Variants in SPTA1 observed in about 807,000 individuals in gnomAD.
The protein encoded by SPTA1 is spectrin alpha chain, erythrocytic 1.
SPTA1 carries 177 observed loss-of-function variants against 324.7 expected under a neutral mutation model. That is an observed-to-expected ratio of 0.55 (90% CI 0.48 to 0.62). The LOEUF (loss-of-function observed/expected upper bound fraction) is 0.62, where lower values mean the gene tolerates loss of function less well. Among genes scored for constraint, SPTA1 ranks in the 20% least tolerant of loss-of-function variants. SPTA1 has a pLI of 0.00. For missense variants in SPTA1, 3,162 were observed against 2,883.6 expected (o/e 1.10, Z -2.21); for synonymous variants, 1,195 against 1,041.3 (o/e 1.15, Z -2.84).
chr1:158,661,246 C>A, intron 18 of SPTA1, 41 bp downstream of exon 18: 3 of 1,613,556 alleles, frequency 1.9e-6, no homozygotes, highest in Non-Finnish European at 2.5e-6. Flanking sequence ...AGAGGTCTGG[C>A]CTGGTGATGT....
intron 39 of SPTA1, among the ~76,000 whole-genome samples, 174 bp downstream of exon 39, chr1:158,634,369 C>G (rs1236848459): frequency 6.6e-6 from 1 of 152,194 alleles, no homozygotes; most frequent in Non-Finnish European, 1.5e-5. Context: ...TTGGGCAAGT[C>G]ACTTACATGC....
In SPTA1 at chr1:158,685,153, G is replaced by A. The variant is rs1190183761; in HGVS notation, c.219C>T (p.Val73=). 6.2e-7 allele frequency: 1 copy of A among 1,613,710 alleles called. No individual in the cohort carries two copies. The highest frequency in any genetic ancestry group is 1.1e-5 in the South Asian group (1 of 91,068). ...CATAGCTCTTATCGGTTAAGATATT[G>A]ACTTTCTCCATGATCCACTTCCCCA... is the stretch of plus-strand genomic sequence containing the variant. ...DDLGKWIMEK[V]NILTDKSYED... is the part of the protein sequence containing the mutation. The change falls in exon 2 of 52, where the codon GTC becomes GTT. Residue 73 remains valine (V), a synonymous_variant. Coordinates refer to ENST00000643759, the MANE Select transcript of SPTA1 (RefSeq NM_003126.4).
At chr1:158,681,814 T>G in intron 3 of SPTA1, 147 bp from the exon 4 acceptor site, 1 of 1,050,402 alleles carries the variant, frequency 9.5e-7, no homozygotes, top group East Asian at 2.6e-5. Flanking sequence ...AAAGAGGAAA[T>G]AGGATAGATA....
chr1:158,620,943 G>A (rs1408787051), intron 43 of SPTA1, among the ~76,000 whole-genome samples: 1 of 149,642 alleles, frequency 6.7e-6, no homozygotes, highest in Non-Finnish European at 1.5e-5. Flanking sequence ...TATCCTACAA[G>A]CTTCTGTAGA....
chr1:158,681,431 C>T (rs1654799975), intron 4 of SPTA1, 96 bp downstream of exon 4: 3 of 1,592,800 alleles, frequency 1.9e-6, no homozygotes, highest in African/African-American at 2.7e-5. Flanking sequence ...AACAGACATC[C>T]TGACTTCCTT....
intron 5 of SPTA1, 76 bp from the exon 6 acceptor site, chr1:158,678,610 T>C: frequency 6.6e-7 from 1 of 1,516,628 alleles, no homozygotes; most frequent in South Asian, 1.2e-5. Flanking sequence ...ACTTTTCATT[T>C]TACATTAGTT....
At chr1:158,613,651 T>G (rs538123826) in intron 50 of SPTA1, 70 bp downstream of exon 50, 6 of 1,603,002 alleles carry the variant, frequency 3.7e-6, no homozygotes, top group Non-Finnish European at 4.3e-6. Flanking sequence ...TTATGGATCA[T>G]TTTACTCTCT....
intron 10 of SPTA1, among the ~76,000 whole-genome samples, chr1:158,673,084 G>A (rs912181958): frequency 1.3e-5 from 2 of 152,154 alleles, no homozygotes; most frequent in African/African-American, 2.4e-5. Context: ...GTTGGCCACT[G>A]CACTCCAGCC....
At position 158,636,755 on chromosome 1, in the gene SPTA1, C is replaced by G. The variant is rs201286670; in HGVS notation, c.5196G>C (p.Lys1732Asn). 9 of 1,613,962 alleles carry G rather than the reference C, an allele frequency of 5.6e-6. No homozygotes were observed. The highest frequency in any genetic ancestry group is 4.0e-5 in the African/African-American group (3 of 74,916). Residue 1732 changes from lysine to asparagine, a missense_variant, in exon 37 of 52, where the codon AAG (lysine) becomes AAC (asparagine). Lys to Asn is a moderately conservative substitution (Grantham distance 94). Transcript: ENST00000643759. ...AGTCCTGGGAGCTCACTCGTATCAA[C>G]TTCTCCCTAAAATCAAGGAAGAAAA... ...LDDEESWIEE[K>N]LIRVSSQDYG...
intron 49 of SPTA1, 133 bp downstream of exon 49, chr1:158,614,120 G>T: frequency 1.2e-6 from 1 of 816,234 alleles, no homozygotes; most frequent in East Asian, 2.6e-5. Flanking sequence ...AGCCATGACT[G>T]GAGCTAATGA....
chr1:158,680,966 A>C (rs1557994326), intron 4 of SPTA1, among the ~76,000 whole-genome samples: 1 of 152,182 alleles, frequency 6.6e-6, no homozygotes, highest in Non-Finnish European at 1.5e-5. Context: ...CATTACTGGC[A>C]AGAGACCCTG....
At chr1:158,672,546 A>G (rs995887943) in intron 10 of SPTA1, among the ~76,000 whole-genome samples, 1 of 152,202 alleles carries the variant, frequency 6.6e-6, no homozygotes, top group African/African-American at 2.4e-5. Context: ...ACTGCAAATA[A>G]TTTTTAGATA....
chr1:158,676,192 T>C lies in SPTA1; in HGVS notation c.1061A>G (p.His354Arg), dbSNP rs368912200. 1.2e-6 allele frequency: 2 copies of C among 1,613,766 alleles called. No individual in the cohort carries two copies. The highest frequency in any genetic ancestry group is 1.7e-6 in the Non-Finnish European group (2 of 1,179,776). Reference sequence around the variant, plus strand: ...TCTGCTGGTGGCCAGGGCACGAATATGCTCCCAGCTGGAGACCAGATCTTC... The same window carrying C: ...TCTGCTGGTGGCCAGGGCACGAATACGCTCCCAGCTGGAGACCAGATCTTC... ...MKEDLVSSWE[H>R]IRALATSRYE... Residue 354 changes from histidine (H) to arginine (R), a missense_variant, in exon 8 of 52, where the codon CAT becomes CGT. His to Arg is a conservative substitution (Grantham distance 29). Transcript: ENST00000643759.
rs754809924 is a variant in SPTA1 at position 158,678,542 on chromosome 1, A to C, written c.679-8T>G. On this transcript the variant is annotated splice_polypyrimidine_tract_variant and splice_region_variant and intron_variant, in intron 5 of 51. Transcript: ENST00000643759. ...TAGGTCAGGATGGTTTTCCTGTTGAAGGAAAACAACACTGGAGTTATACAG... is the reference window on the plus strand; with the variant it reads ...TAGGTCAGGATGGTTTTCCTGTTGACGGAAAACAACACTGGAGTTATACAG... 3.7e-6 allele frequency: 6 copies of C among 1,613,202 alleles called. No homozygotes were observed. Among genetic ancestry groups the C allele is most frequent in the Non-Finnish European group, 5.1e-6 (6 of 1,179,532 alleles).
chr1:158,685,718 G>T (rs564580086), intron 1 of SPTA1, among the ~76,000 whole-genome samples: 1 of 152,256 alleles, frequency 6.6e-6, no homozygotes, highest in East Asian at 1.9e-4. Flanking sequence ...CTAAAAAGGT[G>T]TTGAGAAGTG....
chr1:158,639,768 CT>C, intron 34 of SPTA1, 82 bp from the exon 35 acceptor site: 2 of 1,609,318 alleles, frequency 1.2e-6, no homozygotes. Context: ...TGTCCCCAAA[CT>C]TTTCCCAGGA....
At chr1:158,653,129 G>A in intron 22 of SPTA1, 145 bp downstream of exon 22, 2 of 1,327,736 alleles carry the variant, frequency 1.5e-6, no homozygotes, top group Admixed American at 1.9e-5. Context: ...ACATTTAAAA[G>A]ATTCTAGGTT....
At chr1:158,654,414 G>A (rs1255960605) in intron 21 of SPTA1, among the ~76,000 whole-genome samples, 197 bp downstream of exon 21, 1 of 152,030 alleles carries the variant, frequency 6.6e-6, no homozygotes, top group Admixed American at 6.6e-5. Context: ...GCAACATTGG[G>A]ATTATAATTC....
At chr1:158,624,918 C>A (rs967815061) in intron 42 of SPTA1, among the ~76,000 whole-genome samples, 1 of 152,168 alleles carries the variant, frequency 6.6e-6, no homozygotes, top group East Asian at 1.9e-4. Flanking sequence ...GCCACAGAGG[C>A]AAAGTGAAAA....
Sources: gnomAD v4.1 joint callset for allele counts (sites outside exome capture counted in the v4.1 genomes callset) on GRCh38, gnomAD v4.1.1 for gene constraint, MANE v1.5 for transcripts, NCBI Gene and HGNC (gene_info 2026-07-23, HGNC 2026-07-21) for gene names.